The following MORC1 variants were observed in gnomAD, a reference collection of about 807,000 sequenced individuals.
MORC1 encodes the protein MORC family CW-type zinc finger protein 1.
MORC1 carries 59 observed loss-of-function variants against 134.9 expected under a neutral mutation model. The ratio of observed to expected loss-of-function variants is 0.44; its 90% confidence interval spans 0.35 to 0.54. The LOEUF (loss-of-function observed/expected upper bound fraction) is 0.54, where lower values mean the gene tolerates loss of function less well. MORC1 is among the 20% of genes least tolerant of loss of function. The pLI, the probability that MORC1 is intolerant of heterozygous loss-of-function variation, is 0.00. For missense variants in MORC1, 947 were observed against 1,134.5 expected (o/e 0.83, Z 2.37); for synonymous variants, 395 against 391.7 (o/e 1.01, Z -0.10).
chr3:108,977,650 T>G (rs1947599022), intron 24 of MORC1, among the ~76,000 whole-genome samples: 1 of 152,176 alleles, frequency 6.6e-6, no homozygotes, highest in Admixed American at 6.5e-5. Context: ...CATATAAAAT[T>G]TACTGTATAC....
Position 109,096,147 on chromosome 3 carries a change from G to A in MORC1, c.424-1079C>T, listed in dbSNP as rs1950827467. 2.0e-5 allele frequency among the ~76,000 whole-genome samples: 3 copies of A among 152,172 alleles called. No individual in the cohort carries two copies. In the South Asian group the frequency reaches 6.2e-4, roughly 32 times the overall value. ...ACAAGAACGAGATATTTTTGAAAAA[G>A]AAACATTCAGAGAATAAGAAAGACT... is the stretch of plus-strand genomic sequence containing the variant. On this transcript the variant is annotated intron_variant, in intron 6 of 27. Transcript: ENST00000232603.
intron 8 of MORC1, among the ~76,000 whole-genome samples, chr3:109,090,620 CA>C (rs34093019): frequency 0.15 from 8,223 of 54,604 alleles, 314 homozygotes; most frequent in African/African-American, 0.33. Flanking sequence ...AACTCCGTCT[CA>C]AAAAAAAAAA....
chr3:109,046,558 T>C (rs940523655), intron 14 of MORC1, among the ~76,000 whole-genome samples: 2 of 152,164 alleles, frequency 1.3e-5, no homozygotes, highest in African/African-American at 4.8e-5. Context: ...TAGACTACCT[T>C]TCTACTAGAA....
intron 21 of MORC1, among the ~76,000 whole-genome samples, chr3:108,999,343 G>A (rs1185789978): frequency 6.6e-6 from 1 of 152,166 alleles, no homozygotes; most frequent in South Asian, 2.1e-4. Context: ...AATAATGGGG[G>A]CAGGGAGGGA....
intron 8 of MORC1, among the ~76,000 whole-genome samples, chr3:109,080,073 T>C (rs1330541843): frequency 6.6e-6 from 1 of 152,174 alleles, no homozygotes; most frequent in Non-Finnish European, 1.5e-5. Context: ...TATTTTCAGA[T>C]AAATAAACTG....
chr3:109,013,530 T>A (rs1397452524), intron 17 of MORC1, among the ~76,000 whole-genome samples: 1 of 152,252 alleles, frequency 6.6e-6, no homozygotes, highest in Admixed American at 6.5e-5. Flanking sequence ...CTGCTGGCTA[T>A]TGCAGATAAC....
At chr3:109,081,382 A>G (rs1321686731) in intron 8 of MORC1, among the ~76,000 whole-genome samples, 1 of 152,122 alleles carries the variant, frequency 6.6e-6, no homozygotes, top group Non-Finnish European at 1.5e-5. Context: ...CAGAACTCAA[A>G]TATCAGGATG....
intron 21 of MORC1, among the ~76,000 whole-genome samples, chr3:108,999,340 G>A (rs1256694765): frequency 6.6e-6 from 1 of 152,122 alleles, no homozygotes; most frequent in Non-Finnish European, 1.5e-5. Flanking sequence ...GGGAATAATG[G>A]GGGCAGGGAG....
intron 14 of MORC1, among the ~76,000 whole-genome samples, chr3:109,038,358 T>C (rs894222166): frequency 2.0e-5 from 3 of 152,142 alleles, no homozygotes; most frequent in Admixed American, 1.3e-4. Flanking sequence ...GATGGGTAGA[T>C]TGCAAACATT....
intron 6 of MORC1, among the ~76,000 whole-genome samples, chr3:109,098,681 T>C (rs553875213): frequency 6.6e-5 from 10 of 152,206 alleles, no homozygotes; most frequent in Non-Finnish European, 1.2e-4. Flanking sequence ...ACAGACTCAT[T>C]GAGGAGCATT....
chr3:108,958,421 T>C lies in MORC1; in HGVS notation c.*544A>G, dbSNP rs1446889946. On this transcript the variant is annotated 3_prime_UTR_variant, in exon 28 of 28. Coordinates refer to ENST00000232603, the MANE Select transcript of MORC1 (RefSeq NM_014429.4). ...CATATTATGCTTAGGAGATTTATTC[T>C]TTTACTATGACTAAATAATAAAATT... The C allele has an allele frequency of 6.6e-6, 1 of 152,106 alleles. No individual in the cohort carries two copies. The highest frequency in any genetic ancestry group is 1.5e-5 in the Non-Finnish European group (1 of 67,976). The allele number at this position is 152,106 out of a possible 1,614,324, so 9.4% of individuals were successfully genotyped here.
At position 109,111,015 on chromosome 3, in the gene MORC1, G is replaced by T. The variant is rs146411199; in HGVS notation, c.120-232C>A. ...TGAAAGAAGAGATGGAATTTAGTGGGAATTACACAAAAAACTAACAAAATG... is the reference window on the plus strand; with the variant it reads ...TGAAAGAAGAGATGGAATTTAGTGGTAATTACACAAAAAACTAACAAAATG... On this transcript the variant is annotated intron_variant, in intron 2 of 27. Transcript: ENST00000232603. 1.2e-3 allele frequency among the ~76,000 whole-genome samples: 154 copies of T among 123,516 alleles called. 3 individuals are homozygous for T. Among genetic ancestry groups the T allele is most frequent in the African/African-American group, 4.2e-3 (144 of 34,246 alleles). The allele number at this position is 123,516 out of a possible 152,430, so 81.0% of individuals were successfully genotyped here. A position where few individuals can be genotyped will look rare whatever the true frequency, so the allele number is the denominator to read the frequency against.
At chr3:109,090,909 A>C (rs1427248831) in intron 8 of MORC1, among the ~76,000 whole-genome samples, 1 of 152,092 alleles carries the variant, frequency 6.6e-6, no homozygotes, top group Admixed American at 6.6e-5. Context: ...AATGGTAAAA[A>C]ATGTGTTATA....
At chr3:109,064,466 G>A (rs1950154116) in intron 9 of MORC1, among the ~76,000 whole-genome samples, 1 of 151,956 alleles carries the variant, frequency 6.6e-6, no homozygotes. Flanking sequence ...TTGGGTGACT[G>A]GTTTGATCAG....
At chr3:109,055,559 A>C (rs1285568757) in intron 13 of MORC1, among the ~76,000 whole-genome samples, 1 of 152,116 alleles carries the variant, frequency 6.6e-6, no homozygotes, top group Admixed American at 6.5e-5. Flanking sequence ...TCATTCTCTA[A>C]GTCTAAATTT....
At chr3:108,967,071 T>C (rs1947240947) in intron 26 of MORC1, among the ~76,000 whole-genome samples, 1 of 152,210 alleles carries the variant, frequency 6.6e-6, no homozygotes, top group Non-Finnish European at 1.5e-5. Flanking sequence ...CAAGTTGTTC[T>C]GTGTTTTGCT....
chr3:109,031,147 A>G (rs1312860081), intron 16 of MORC1, among the ~76,000 whole-genome samples: 1 of 152,176 alleles, frequency 6.6e-6, no homozygotes, highest in Admixed American at 6.5e-5. Context: ...ACAGCTTCCC[A>G]GTTCTGTAGG....
Position 109,069,922 on chromosome 3 carries a change from A to T in MORC1, c.690-165T>A, listed in dbSNP as rs377220034. Among the ~76,000 whole-genome samples, 94 of 152,204 alleles carry T rather than the reference A, an allele frequency of 6.2e-4. 2 individuals are homozygous for T. In the South Asian group the frequency reaches 0.019, roughly 30 times the overall value. On this transcript the variant is annotated intron_variant, in intron 8 of 27. Transcript: ENST00000232603. ...CACAAACACCAGCAAATATCACAACACTCACTTCATTAAGGAGGCCTCTAA... is the reference window on the plus strand; with the variant it reads ...CACAAACACCAGCAAATATCACAACTCTCACTTCATTAAGGAGGCCTCTAA...
At chr3:109,107,447 A>G (rs1457951896) in intron 3 of MORC1, among the ~76,000 whole-genome samples, 2 of 152,300 alleles carry the variant, frequency 1.3e-5, no homozygotes, top group East Asian at 1.9e-4. Context: ...ATTTCTTAAG[A>G]GTGTAAACGC....
Sources: allele counts gnomAD v4.1 joint callset (sites outside exome capture counted in the v4.1 genomes callset), GRCh38; gene constraint gnomAD v4.1.1; transcripts MANE v1.5; gene names NCBI Gene and HGNC (gene_info 2026-07-23, HGNC 2026-07-21).